PPP1R13L: variants seen among roughly 807,000 people sequenced by gnomAD.
PPP1R13L encodes relA-associated inhibitor.
Under a neutral mutation model 80.9 loss-of-function variants are expected in PPP1R13L, and 50 were observed. The ratio of observed to expected loss-of-function variants is 0.62; its 90% CI spans 0.49 to 0.78. The LOEUF is 0.78. Ranked by LOEUF, PPP1R13L falls within the 30% of genes least tolerant of loss-of-function variation. The pLI, the probability that PPP1R13L is intolerant of heterozygous loss-of-function variation, is 0.00. For synonymous variants in PPP1R13L, 602 were observed against 534.3 expected (o/e 1.13, Z -1.75); for missense variants, 1,200 against 1,205.9 (o/e 1.00, Z 0.07).
chr19:45,403,822 T>TA (rs1247424999), intron 1 of PPP1R13L, among the ~76,000 whole-genome samples: 3 of 152,108 alleles, frequency 2.0e-5, no homozygotes, highest in African/African-American at 4.8e-5. Context: ...ATTCTGTTTT[T>TA]AATCCCCCTT....
Position 45,395,500 on chromosome 19 carries a change from G to C in PPP1R13L, c.1290C>G (p.Thr430=). Residue 430 remains threonine (T), a synonymous_variant, in exon 7 of 13, where the codon ACC becomes ACG. Transcript: ENST00000360957. ...PQPQLPPQPQ[T]QPQTPTPAPQ... is the part of the protein sequence containing the mutation. ...GGGCTGGGGTAGGGGTTTGGGGTTG[G>C]GTCTGGGGCTGTGGGGGCAGCTGGG... 6.7e-7 allele frequency: 1 copy of C among 1,488,730 alleles called. No homozygotes were observed. The highest frequency in any genetic ancestry group is 9.0e-7 in the Non-Finnish European group (1 of 1,107,968). 92.2% of individuals were successfully genotyped at this position (1,488,730 alleles called of 1,614,324 possible).
chr19:45,392,732 T>C, intron 7 of PPP1R13L: 1 of 303,632 alleles, frequency 3.3e-6, no homozygotes, highest in South Asian at 3.0e-5. Flanking sequence ...CCAACCGTGA[T>C]AGATGTGATT....
At chr19:45,398,728 C>A (rs1185179623) in intron 1 of PPP1R13L, among the ~76,000 whole-genome samples, 1 of 151,222 alleles carries the variant, frequency 6.6e-6, no homozygotes, top group East Asian at 1.9e-4. Flanking sequence ...GGACTACAAG[C>A]GCGCGCCATT....
rs965075826 is a variant in PPP1R13L at position 45,405,025 on chromosome 19, G to A, written c.-48C>T. 8.1e-6 allele frequency: 8 copies of A among 986,058 alleles called. No homozygotes were observed. The highest frequency in any genetic ancestry group is 4.7e-5 in the South Asian group (1 of 21,288). 61.1% of individuals were successfully genotyped at this position (986,058 alleles called of 1,614,324 possible). ...GATCCGGGCAGATCCTGGCACCTGG[G>A]GGCTTCCTCCAGCTCGGGCTCCGGC... On this transcript the variant is annotated 5_prime_UTR_variant, in exon 1 of 13. Transcript: ENST00000360957.
intron 8 of PPP1R13L, among the ~76,000 whole-genome samples, chr19:45,386,544 C>T (rs1972873858): frequency 1.3e-5 from 2 of 152,160 alleles, no homozygotes; most frequent in African/African-American, 4.8e-5. Flanking sequence ...ATGAGACACA[C>T]ATGACAAAAT....
intron 9 of PPP1R13L, 22 bp downstream of exon 9, chr19:45,386,027 C>T (rs1270715412): frequency 4.4e-6 from 7 of 1,589,910 alleles, no homozygotes; most frequent in Non-Finnish European, 6.0e-6. Flanking sequence ...GCCGTGCCCA[C>T]CTCCCGCTCA....
intron 12 of PPP1R13L, 31 bp from the exon 13 acceptor site, chr19:45,380,259 G>A: frequency 3.7e-6 from 6 of 1,613,224 alleles, no homozygotes; most frequent in Non-Finnish European, 5.1e-6. Context: ...CAGACATCAG[G>A]AGCTCCCACC....
chr19:45,380,240 C>G lies in PPP1R13L; in HGVS notation c.2449-12G>C. 1 of 1,614,020 alleles carries G rather than the reference C, an allele frequency of 6.2e-7. No homozygotes were observed. Among genetic ancestry groups the G allele is most frequent in the South Asian group, 1.1e-5 (1 of 91,078 alleles). ...ACCCTGGGGAACAGCTGGGGAGAGA[C>G]AGGATCTTCAGACATCAGGAGCTCC... On this transcript the variant is annotated splice_polypyrimidine_tract_variant and intron_variant, in intron 12 of 12. Coordinates refer to ENST00000360957, the MANE Select transcript of PPP1R13L (RefSeq NM_006663.4).
At chr19:45,397,681 C>T (rs980970555) in intron 3 of PPP1R13L, among the ~76,000 whole-genome samples, 4 of 151,636 alleles carry the variant, frequency 2.6e-5, no homozygotes, top group Admixed American at 1.3e-4. Context: ...TGGTCTTAAA[C>T]TCCTGACCTC....
At chr19:45,405,954 T>A (rs12104246), upstream of PPP1R13L, among the ~76,000 whole-genome samples, 1,014 of 152,238 alleles carry the variant, frequency 6.7e-3, 8 homozygotes, top group African/African-American at 0.023. Flanking sequence ...CTGAAAGTCA[T>A]CGAGGTTTCC....
upstream of PPP1R13L, among the ~76,000 whole-genome samples, chr19:45,405,689 C>T (rs979546819): frequency 1.3e-5 from 2 of 152,228 alleles, no homozygotes; most frequent in Admixed American, 6.5e-5. Context: ...GCCTCTCCCA[C>T]CTGGGGAGAA....
intron 8 of PPP1R13L, 55 bp from the exon 9 acceptor site, chr19:45,386,235 G>A: frequency 6.9e-7 from 1 of 1,444,438 alleles, no homozygotes; most frequent in South Asian, 1.5e-5. Context: ...GTATATCCAT[G>A]ATCTAGAGTA....
rs543009286 is a variant in PPP1R13L, at chr19:45,390,924, A to T, written c.1815+956T>A. Among the ~76,000 whole-genome samples, 5 of 152,196 alleles carry T rather than the reference A, an allele frequency of 3.3e-5. No homozygotes were observed. In the South Asian group the frequency reaches 6.2e-4, roughly 19 times the overall value. On this transcript the variant is annotated intron_variant, in intron 8 of 12. Coordinates refer to ENST00000360957, the MANE Select transcript of PPP1R13L (RefSeq NM_006663.4). ...ATAAGAGGAGAGAGCAAAGCCAGGAACAGTGGCTCATGCCTCTAACTGCAG... is the reference window on the plus strand; with the variant it reads ...ATAAGAGGAGAGAGCAAAGCCAGGATCAGTGGCTCATGCCTCTAACTGCAG...
rs1326130442 is a variant in PPP1R13L at position 45,396,218 on chromosome 19, G to T, written c.853C>A (p.Leu285Met). Reference protein sequence around the residue: ...FARPASPSLQLLPWRESSLDG... With the variant: ...FARPASPSLQMLPWRESSLDG... ...AGGCTGCTCTCCCTCCAAGGCAACA[G>T]CTGCAGGCTCGGCGAGGCAGGCCTT... The change falls in exon 6 of 13, where the codon CTG becomes ATG. Residue 285 changes from leucine to methionine, a missense_variant. Physicochemically the swap from Leu to Met is conservative, Grantham distance 15 (BLOSUM62 2). Transcript: ENST00000360957. The surrounding 1 kb of genome is among the most constrained non-coding windows in gnomAD (Gnocchi z 5.3). 2 of 1,612,198 alleles carry T rather than the reference G, an allele frequency of 1.2e-6. No individual in the cohort carries two copies. The highest frequency in any genetic ancestry group is 1.7e-5 in the Admixed American group (1 of 59,932).
Position 45,395,439 on chromosome 19 carries a change from C to T in PPP1R13L, c.1351G>A (p.Glu451Lys). ...HPQQTWPPVN[E>K]GPPKPPTELE... ...AGGGCCCTCATTGCTGACTCACCTT[C>T]GTTCACAGGGGGCCATGTCTGTTGG... Residue 451 changes from glutamate (E) to lysine (K), a missense_variant, in exon 7 of 13, where the codon GAA becomes AAA. Around this residue, in one of 5 missense-constraint regions of PPP1R13L, gnomAD observed 764 missense variants for 714.5 expected, o/e 1.07. Transcript: ENST00000360957. 3 of 1,493,146 alleles carry T rather than the reference C, an allele frequency of 2.0e-6. No homozygotes were observed. Among genetic ancestry groups the T allele is most frequent in the South Asian group, 1.2e-5 (1 of 83,302 alleles). The allele number at this position is 1,493,146 out of a possible 1,614,324, so 92.5% of individuals were successfully genotyped here.
At chr19:45,397,570 A>G (rs1239095520) in intron 3 of PPP1R13L, among the ~76,000 whole-genome samples, 4 of 147,360 alleles carry the variant, frequency 2.7e-5, no homozygotes, top group Non-Finnish European at 4.5e-5. Flanking sequence ...TGATCCTCCC[A>G]CTTCAGCCTC....
chr19:45,386,810 A>G (rs1311046514), intron 8 of PPP1R13L, among the ~76,000 whole-genome samples: 2 of 151,170 alleles, frequency 1.3e-5, no homozygotes, highest in Non-Finnish European at 3.0e-5. Flanking sequence ...TAATTTTCAT[A>G]TTTTTAGTAG....
chr19:45,382,380 C>T, intron 12 of PPP1R13L, 147 bp downstream of exon 12: 1 of 933,642 alleles, frequency 1.1e-6, no homozygotes, highest in African/African-American at 1.7e-5. Context: ...TTTTCGTCTC[C>T]TCCCCATGAG....
intron 8 of PPP1R13L, among the ~76,000 whole-genome samples, chr19:45,388,760 CAG>C (rs1451471101): frequency 6.6e-6 from 1 of 150,990 alleles, no homozygotes; most frequent in Admixed American, 6.6e-5. Flanking sequence ...TTATTTGAGA[CAG>C]AGTTTCTCTC....
Sources: gnomAD v4.1 joint callset for allele counts (sites outside exome capture counted in the v4.1 genomes callset) on GRCh38, gnomAD v4.1.1 for gene constraint, gnomAD v4.1.1 regional missense constraint, Gnocchi (gnomAD v3.1) non-coding constraint, MANE v1.5 for transcripts, NCBI Gene and HGNC (gene_info 2026-07-23, HGNC 2026-07-21) for gene names.